The following CTNNA2 variants were observed in gnomAD, a reference collection of about 807,000 sequenced individuals.
CTNNA2 encodes the protein catenin alpha 2, also known as catenin alpha-2.
Under a neutral mutation model 101.0 loss-of-function variants are expected in CTNNA2, and 42 were observed. That is an observed-to-expected ratio of 0.42 (90% CI 0.32 to 0.54). The LOEUF (loss-of-function observed/expected upper bound fraction) is 0.54, where lower values mean the gene tolerates loss of function less well. CTNNA2 is among the 20% of genes least tolerant of loss of function. The pLI, the probability that CTNNA2 is intolerant of heterozygous loss-of-function variation, is 0.14. For missense variants in CTNNA2, 871 were observed against 1,223.1 expected (o/e 0.71, Z 4.29); for synonymous variants, 450 against 456.4 (o/e 0.99, Z 0.18).
chr2:80,292,415 G>A (rs1169832732), intron 7 of CTNNA2, among the ~76,000 whole-genome samples: 1 of 152,036 alleles, frequency 6.6e-6, no homozygotes, highest in African/African-American at 2.4e-5. Context: ...TGGGCAAGTT[G>A]TTGACCCACC....
intron 7 of CTNNA2, among the ~76,000 whole-genome samples, chr2:80,351,171 TACAC>T: frequency 6.6e-6 from 1 of 152,138 alleles, no homozygotes; most frequent in Middle Eastern, 3.4e-3. Context: ...ATGAAACACA[TACAC>T]ACGCACAGAC....
chr2:80,555,147 C>A (rs1692914349), intron 11 of CTNNA2, among the ~76,000 whole-genome samples: 1 of 44,196 alleles, frequency 2.3e-5, no homozygotes, highest in Non-Finnish European at 4.3e-5. Flanking sequence ...TTTAAAAGAC[C>A]AACTGCGTGA....
At chr2:79,825,366 G>T (rs1398673876) in intron 3 of CTNNA2, among the ~76,000 whole-genome samples, 1 of 152,184 alleles carries the variant, frequency 6.6e-6, no homozygotes, top group African/African-American at 2.4e-5. Context: ...TGGTGCACCA[G>T]TTGGGATTTT....
At chr2:79,944,000 C>T (rs749635328) in intron 7 of CTNNA2, among the ~76,000 whole-genome samples, 2 of 152,078 alleles carry the variant, frequency 1.3e-5, no homozygotes, top group African/African-American at 4.8e-5. Flanking sequence ...AATTAATATG[C>T]CAATTTTTCT....
chr2:80,282,751 AC>A (rs2149163008), intron 7 of CTNNA2, among the ~76,000 whole-genome samples: 1 of 152,286 alleles, frequency 6.6e-6, no homozygotes, highest in African/African-American at 2.4e-5. Context: ...GTTAATCAAA[AC>A]AACACCTGTT....
rs577306105 is a variant in CTNNA2 at position 79,838,885 on chromosome 2, T to C, written c.299-19128T>C. On this transcript the variant is annotated intron_variant, in intron 3 of 18. Transcript: ENST00000402739. ...CTCCAAGCCATAAAAACACTATTAG[T>C]CATCTTTATTAGAAAATACTACTAC... Among the ~76,000 whole-genome samples the C allele has an allele frequency of 7.0e-4, 106 of 152,190 alleles. No homozygotes were observed. The Middle Eastern group carries it at 0.027, about 39-fold the overall frequency.
At chr2:79,986,787 G>T (rs1385717381) in intron 7 of CTNNA2, among the ~76,000 whole-genome samples, 1 of 152,162 alleles carries the variant, frequency 6.6e-6, no homozygotes, top group African/African-American at 2.4e-5. Flanking sequence ...TGGATAAGAT[G>T]GGGTAGGAGT....
chr2:79,852,773 G>A (rs774360710), intron 3 of CTNNA2, among the ~76,000 whole-genome samples: 3 of 151,864 alleles, frequency 2.0e-5, no homozygotes, highest in Non-Finnish European at 4.4e-5. Context: ...TGTATTTTTA[G>A]TAGAGACAGG....
At chr2:79,441,849 A>G (rs1201081892) in intron 4 of CTNNA2, among the ~76,000 whole-genome samples, 1 of 152,220 alleles carries the variant, frequency 6.6e-6, no homozygotes, top group Admixed American at 6.5e-5. Context: ...TGGTGCTAAC[A>G]GCACACTGAC....
At chr2:80,549,631 A>G (rs1692395494) in intron 11 of CTNNA2, among the ~76,000 whole-genome samples, 1 of 152,156 alleles carries the variant, frequency 6.6e-6, no homozygotes. Context: ...AATAATCTCT[A>G]GGATACTTTT....
At chr2:79,472,517 T>C (rs1005372070) in intron 4 of CTNNA2, among the ~76,000 whole-genome samples, 2 of 152,242 alleles carry the variant, frequency 1.3e-5, no homozygotes, top group African/African-American at 2.4e-5. Context: ...TGCAGCTGAA[T>C]ATTTCTATAA....
At chr2:80,115,345 T>G (rs533747155) in intron 7 of CTNNA2, among the ~76,000 whole-genome samples, 1 of 152,324 alleles carries the variant, frequency 6.6e-6, no homozygotes, top group Non-Finnish European at 1.5e-5. Flanking sequence ...TGGTATACAC[T>G]TATGATAATT....
chr2:79,976,922 G>A (rs989740623), intron 7 of CTNNA2, among the ~76,000 whole-genome samples: 23 of 152,088 alleles, frequency 1.5e-4, no homozygotes, highest in Non-Finnish European at 1.5e-5. Context: ...CTGCCTTTCA[G>A]TGATCAAATT....
In CTNNA2 at chr2:79,657,498, G is replaced by A. The variant is rs148605608; in HGVS notation, c.102+5840G>A. ...GATGTTTAGTTGAATATTACCAGAC[G>A]CTTGTAGCGCTGATATTCCAGTGTT... On this transcript the variant is annotated intron_variant, in intron 2 of 18. Transcript: ENST00000402739. 5.7e-3 allele frequency among the ~76,000 whole-genome samples: 866 copies of A among 151,948 alleles called. 8 individuals carry two copies. The highest frequency in any genetic ancestry group is 6.8e-3 in the Non-Finnish European group (462 of 67,808).
chr2:80,281,665 A>G (rs952485084), intron 7 of CTNNA2, among the ~76,000 whole-genome samples: 21 of 152,032 alleles, frequency 1.4e-4, no homozygotes, highest in African/African-American at 4.8e-4. Context: ...TGTTAAATTC[A>G]TGCAACTTCA....
intron 2 of CTNNA2, among the ~76,000 whole-genome samples, chr2:79,272,117 A>T (rs933216951): frequency 1.3e-5 from 2 of 152,024 alleles, no homozygotes; most frequent in African/African-American, 4.8e-5. Context: ...TAGCTTTTCT[A>T]AGACTTACGA....
chr2:79,447,135 T>C (rs896467933), intron 4 of CTNNA2, among the ~76,000 whole-genome samples: 1 of 152,048 alleles, frequency 6.6e-6, no homozygotes, highest in African/African-American at 2.4e-5. Flanking sequence ...CCCGGGTGTG[T>C]GTCCTTGTAC....
chr2:80,235,968 C>T (rs1414132365), intron 7 of CTNNA2, among the ~76,000 whole-genome samples: 4 of 152,284 alleles, frequency 2.6e-5, no homozygotes, highest in South Asian at 2.1e-4. Flanking sequence ...TCCCACCCTC[C>T]ACCCTCCAGT....
chr2:80,303,505 C>A lies in CTNNA2; in HGVS notation c.1057-89706C>A. 2 of 1,614,242 alleles carry A rather than the reference C, an allele frequency of 1.2e-6. No individual in the cohort carries two copies. Among genetic ancestry groups the A allele is most frequent in the South Asian group, 2.2e-5 (2 of 91,090 alleles). ...GGCGCAGTTTCTGAAAGGCGTCCCC[C>A]TGCACGGAGCAGATGTGATTGTGAT... On this transcript the variant is annotated intron_variant, in intron 7 of 18. Coordinates refer to ENST00000402739, the MANE Select transcript of CTNNA2 (RefSeq NM_001282597.3). The surrounding 1 kb of genome is among the most constrained non-coding windows in gnomAD (Gnocchi z 7.7).
Sources: allele counts gnomAD v4.1 joint callset (sites outside exome capture counted in the v4.1 genomes callset), GRCh38; gene constraint gnomAD v4.1.1; non-coding constraint Gnocchi (gnomAD v3.1); transcripts MANE v1.5; gene names NCBI Gene and HGNC (gene_info 2026-07-23, HGNC 2026-07-21).